OIP5: variants seen among roughly 807,000 people sequenced by gnomAD.
OIP5 encodes Opa interacting protein 5, also known as protein Mis18-beta.
Under a neutral mutation model 20.3 loss-of-function variants are expected in OIP5, and 24 were observed. The observed-to-expected ratio is 1.18, with a 90% CI of 0.86 to 1.66. The LOEUF (loss-of-function observed/expected upper bound fraction) is 1.66. OIP5 is among the 40% of genes most tolerant of loss of function. OIP5 has a pLI of 0.00. For synonymous variants in OIP5, 143 were observed against 121.3 expected (o/e 1.18, Z -1.17); for missense variants, 339 against 289.5 (o/e 1.17, Z -1.24).
intron 2 of OIP5, among the ~76,000 whole-genome samples, chr15:41,319,999 C>A (rs1025543551): frequency 6.6e-6 from 1 of 152,080 alleles, no homozygotes; most frequent in Middle Eastern, 3.2e-3. Context: ...CTGGTCAAAG[C>A]AATCATGGAT....
chr15:41,325,720 C>T (rs1447407931), intron 2 of OIP5, among the ~76,000 whole-genome samples: 1 of 150,736 alleles, frequency 6.6e-6, no homozygotes, highest in Non-Finnish European at 1.5e-5. Flanking sequence ...CGTGGTGGCA[C>T]GCACCTGTAA....
At chr15:41,331,568 G>GC (rs1038254719) in intron 2 of OIP5, among the ~76,000 whole-genome samples, 47 of 152,198 alleles carry the variant, frequency 3.1e-4, no homozygotes, top group Admixed American at 1.2e-3. Flanking sequence ...CTGGGCGAGA[G>GC]CAAGACCCTG....
At chr15:41,319,337 C>G (rs1224591823) in intron 3 of OIP5, among the ~76,000 whole-genome samples, 3 of 151,858 alleles carry the variant, frequency 2.0e-5, no homozygotes, top group Admixed American at 2.0e-4. Context: ...CTCACTGCAG[C>G]CTCTGCCTCC....
At chr15:41,328,677 G>C (rs1336163134) in intron 2 of OIP5, among the ~76,000 whole-genome samples, 1 of 152,136 alleles carries the variant, frequency 6.6e-6, no homozygotes, top group East Asian at 1.9e-4. Flanking sequence ...ATTGTAGAAT[G>C]TTTAAATAAA....
At chr15:41,311,014 A>C (rs1487745233) in intron 4 of OIP5, among the ~76,000 whole-genome samples, 1 of 152,092 alleles carries the variant, frequency 6.6e-6, no homozygotes, top group Non-Finnish European at 1.5e-5. Flanking sequence ...CCAGCATAGG[A>C]TTTCCACCCT....
At chr15:41,316,709 G>T (rs1429213653) in intron 3 of OIP5, among the ~76,000 whole-genome samples, 1 of 139,456 alleles carries the variant, frequency 7.2e-6, no homozygotes, top group East Asian at 2.1e-4. Flanking sequence ...AGAATGGTGT[G>T]AACCCAGGGG....
Position 41,309,781 on chromosome 15 carries a change from A to G in OIP5, c.663T>C (p.Thr221=), listed in dbSNP as rs1311819969. 6.2e-7 allele frequency: 1 copy of G among 1,613,906 alleles called. No homozygotes were observed. Among genetic ancestry groups the G allele is most frequent in the Non-Finnish European group, 8.5e-7 (1 of 1,179,778 alleles). ...AGTTTTCTGGCTTGGACTGGTCAGG[A>G]GTCACTTCACTCAGAATCTTCATTA... The part of the protein sequence containing the change: ...KSLMKILSEV[T]PDQSKPEN Residue 221 remains threonine (T), a synonymous_variant, in exon 5 of 5, where the codon ACT becomes ACC. Coordinates refer to ENST00000220514, the MANE Select transcript of OIP5 (RefSeq NM_007280.2).
At chr15:41,327,808 A>C (rs1313696494) in intron 2 of OIP5, among the ~76,000 whole-genome samples, 1 of 127,916 alleles carries the variant, frequency 7.8e-6, no homozygotes, top group Non-Finnish European at 1.6e-5. Context: ...AAAATAAAAT[A>C]AAATAATTGA....
chr15:41,331,820 C>T, intron 2 of OIP5, 95 bp downstream of exon 2: 1 of 976,856 alleles, frequency 1.0e-6, no homozygotes, highest in South Asian at 1.3e-5. Context: ...GTAAAAGCAG[C>T]ATCCCAAACT....
chr15:41,332,174 G>T (rs982653123), intron 1 of OIP5, 66 bp downstream of exon 1: 6 of 1,492,810 alleles, frequency 4.0e-6, no homozygotes, highest in Non-Finnish European at 5.4e-6. Context: ...CCGCCACCCG[G>T]TGGAGAAAGC....
At chr15:41,314,145 A>C (rs1446931589) in intron 3 of OIP5, among the ~76,000 whole-genome samples, 1 of 151,786 alleles carries the variant, frequency 6.6e-6, no homozygotes, top group Non-Finnish European at 1.5e-5. Flanking sequence ...TCTGTTGCCC[A>C]GACTAGAGTG....
chr15:41,316,591 C>T (rs1242628470), intron 3 of OIP5, among the ~76,000 whole-genome samples: 1 of 151,870 alleles, frequency 6.6e-6, no homozygotes, highest in African/African-American at 2.4e-5. Context: ...GAGATCGAGA[C>T]CATCCTGGCT....
rs1302446330 is a variant in OIP5 at position 41,332,550 on chromosome 15, C to T, written c.12G>A (p.Gln4=). Residue 4 remains glutamine, a synonymous_variant, in exon 1 of 5, where the codon CAG becomes CAA. Transcript: ENST00000220514. MAA[Q]PLRHRSRCAT... is the part of the protein sequence containing the mutation. ...CACAACGTGAGCGATGCCGCAGCGG[C>T]TGAGCCGCCATCTTCCCGCAGCCGG... The T allele has an allele frequency of 5.6e-6, 9 of 1,603,014 alleles. No individual in the cohort carries two copies. The highest frequency in any genetic ancestry group is 4.1e-5 in the African/African-American group (3 of 73,798).
chr15:41,309,914 G>GTGAGACCCT, intron 4 of OIP5, 65 bp from the exon 5 acceptor site: 1 of 1,125,762 alleles, frequency 8.9e-7, no homozygotes, highest in Non-Finnish European at 1.3e-6. Flanking sequence ...TAAGAGACAG[G>GTGAGACCCT]GTCTCACTCT....
intron 2 of OIP5, among the ~76,000 whole-genome samples, chr15:41,326,410 T>C (rs1181014309): frequency 6.6e-6 from 1 of 152,170 alleles, no homozygotes; most frequent in Non-Finnish European, 1.5e-5. Context: ...GTATAGTCTG[T>C]GGCTCCTTAT....
At chr15:41,312,396 G>A (rs1397846277) in intron 4 of OIP5, among the ~76,000 whole-genome samples, 1 of 151,608 alleles carries the variant, frequency 6.6e-6, no homozygotes, top group Admixed American at 6.6e-5. Context: ...ACTGATCTCG[G>A]GTTATCCATC....
Position 41,309,666 on chromosome 15 carries a change from C to A in OIP5, c.*88G>T, listed in dbSNP as rs2047741544. 4 of 824,998 alleles carry A rather than the reference C, an allele frequency of 4.8e-6. 1 individual carries two copies. The South Asian group carries it at 6.8e-5, about 14-fold the overall frequency. The allele number at this position is 824,998 out of a possible 1,614,324, so 51.1% of individuals were successfully genotyped here. ...CTGCATTTCCCCTCCATTCTTGAAG[C>A]CAATCTTTTTCAAGAAATGACTAAG... is the stretch of plus-strand genomic sequence containing the variant. On this transcript the variant is annotated 3_prime_UTR_variant, in exon 5 of 5. Coordinates refer to ENST00000220514, the MANE Select transcript of OIP5 (RefSeq NM_007280.2).
chr15:41,327,457 G>A lies in OIP5; in HGVS notation c.389+4458C>T, dbSNP rs1047592474. 6.6e-5 allele frequency among the ~76,000 whole-genome samples: 10 copies of A among 151,610 alleles called. 1 individual carries two copies. The South Asian group carries it at 1.0e-3, about 16-fold the overall frequency. On this transcript the variant is annotated intron_variant, in intron 2 of 4. Coordinates refer to ENST00000220514, the MANE Select transcript of OIP5 (RefSeq NM_007280.2). ...CTCCCAAAGTGCTGGGATTACAGGC[G>A]TGAGTCACTGTACCCAGCCAGAATT... is the stretch of plus-strand genomic sequence containing the variant.
At chr15:41,326,258 A>G (rs2047861195) in intron 2 of OIP5, among the ~76,000 whole-genome samples, 1 of 152,242 alleles carries the variant, frequency 6.6e-6, no homozygotes. Context: ...AGAAAATTGC[A>G]ATAAGTTCAG....
Sources: allele counts gnomAD v4.1 joint callset (sites outside exome capture counted in the v4.1 genomes callset), GRCh38; gene constraint gnomAD v4.1.1; transcripts MANE v1.5; gene names NCBI Gene and HGNC (gene_info 2026-07-23, HGNC 2026-07-21).